The following INHBC variants were observed in gnomAD, a reference collection of about 807,000 sequenced individuals.
INHBC encodes the protein inhibin beta C chain.
INHBC carries 10 observed loss-of-function variants against 12.4 expected under a neutral mutation model. That is an observed-to-expected ratio of 0.81 (90% confidence interval 0.50 to 1.37). INHBC has a LOEUF of 1.37. INHBC is among the 40% of genes most tolerant of loss of function. The pLI is 0.00. For missense variants in INHBC, 382 were observed against 439.4 expected, an observed-to-expected ratio of 0.87 and a Z score of 1.17; for synonymous variants, 147 against 171.6, an observed-to-expected ratio of 0.86 and a Z score of 1.12.
rs763734230 is a variant in INHBC, at chr12:57,435,111, A to G, written c.225A>G (p.Ala75=). Reference sequence around the variant, plus strand: ...TGTCCAGAGCTGCTTTGAGGACTGCACTGCAGCACCTCCACGGGGTCCCAC... The same window carrying G: ...TGTCCAGAGCTGCTTTGAGGACTGCGCTGCAGCACCTCCACGGGGTCCCAC... ...RPVSRAALRT[A]LQHLHGVPQG... is the part of the protein sequence containing the mutation. The change falls in exon 1 of 2, where the codon GCA becomes GCG. Residue 75 remains alanine (A), a synonymous_variant. Coordinates refer to ENST00000309668, the MANE Select transcript of INHBC (RefSeq NM_005538.4). The G allele has an allele frequency of 1.9e-6, 3 of 1,614,190 alleles. No individual in the cohort carries two copies. The highest frequency in any genetic ancestry group is 2.5e-6 in the Non-Finnish European group (3 of 1,180,024).
At position 57,435,095 on chromosome 12, in the gene INHBC, C is replaced by T. The variant is rs750239254; in HGVS notation, c.209C>T (p.Ala70Val). The change falls in exon 1 of 2, where the codon GCT becomes GTT. Residue 70 changes from alanine (A) to valine (V), a missense_variant. Transcript: ENST00000309668. ...RPTLNRPVSR[A>V]ALRTALQHLH... ...ACACTGAACCGCCCTGTGTCCAGAG[C>T]TGCTTTGAGGACTGCACTGCAGCAC... The T allele has an allele frequency of 1.2e-6, 2 of 1,614,200 alleles. No homozygotes were observed. The highest frequency in any genetic ancestry group is 1.7e-6 in the Non-Finnish European group (2 of 1,180,038).
At chr12:57,447,892 AAT>A (rs1241342566) in intron 1 of INHBC, among the ~76,000 whole-genome samples, 510 of 19,878 alleles carry the variant, frequency 0.026, 15 homozygotes, top group African/African-American at 0.054. Context: ...AAAAAAAAAA[AAT>A]ATATATATAT....
In INHBC at chr12:57,451,873, C is replaced by T. The variant is rs777077753; in HGVS notation, c.*1851C>T. ...ACCTCCTTCCCAATTACAGCTTAGT[C>T]TCCAGGGCTAGGACTGGGGTAAAGC... On this transcript the variant is annotated 3_prime_UTR_variant, in exon 2 of 2. Transcript: ENST00000309668. 2.2e-6 allele frequency: 1 copy of T among 455,832 alleles called. No individual in the cohort carries two copies. The allele number at this position is 455,832 out of a possible 1,614,324, so 28.2% of individuals were successfully genotyped here. A position where few individuals can be genotyped will look rare whatever the true frequency, so the allele number is the denominator to read the frequency against.
chr12:57,439,834 G>GT (rs1442887137), intron 1 of INHBC, among the ~76,000 whole-genome samples: 2 of 152,176 alleles, frequency 1.3e-5, no homozygotes, highest in East Asian at 1.9e-4. Flanking sequence ...CAAGCAAAGC[G>GT]TTTTTTTGGT....
At chr12:57,444,058 A>G (rs1870524175) in intron 1 of INHBC, among the ~76,000 whole-genome samples, 1 of 152,044 alleles carries the variant, frequency 6.6e-6, no homozygotes, top group African/African-American at 2.4e-5. Flanking sequence ...CAGCCTCCCA[A>G]AGTGCAGGGA....
At chr12:57,435,304 C>T (rs1870310471) in intron 1 of INHBC, 105 bp downstream of exon 1, 2 of 1,060,502 alleles carry the variant, frequency 1.9e-6, no homozygotes, top group African/African-American at 1.6e-5. Flanking sequence ...AACCATCCAA[C>T]CCCTGCTTCC....
intron 1 of INHBC, among the ~76,000 whole-genome samples, chr12:57,438,656 A>G (rs1335584574): frequency 6.6e-6 from 1 of 152,228 alleles, no homozygotes; most frequent in Non-Finnish European, 1.5e-5. Context: ...CCTAGAATCT[A>G]TCACTGTGAG....
chr12:57,444,469 A>C (rs1870534010), intron 1 of INHBC, among the ~76,000 whole-genome samples: 1 of 149,890 alleles, frequency 6.7e-6, no homozygotes, highest in African/African-American at 2.5e-5. Context: ...TGAACCGGGT[A>C]GGTGGAGGTT....
chr12:57,443,871 C>T lies in INHBC; in HGVS notation c.314-5406C>T, dbSNP rs375460270. On this transcript the variant is annotated intron_variant, in intron 1 of 1. Coordinates refer to ENST00000309668, the MANE Select transcript of INHBC (RefSeq NM_005538.4). ...TGGCGTGATCTCTGCTCACTGCAACCTTTGCCTCCTGAGTTCAAGCAATTC... is the reference window on the plus strand; with the variant it reads ...TGGCGTGATCTCTGCTCACTGCAACTTTTGCCTCCTGAGTTCAAGCAATTC... Among the ~76,000 whole-genome samples, 16 of 152,214 alleles carry T rather than the reference C, an allele frequency of 1.1e-4. No homozygotes were observed. In the East Asian group the frequency reaches 1.4e-3, roughly 13 times the overall value.
Position 57,449,550 on chromosome 12 carries a change from C to T in INHBC, c.587C>T (p.Thr196Ile), listed in dbSNP as rs775173563. The change falls in exon 2 of 2, where the codon ACC becomes ATC. Residue 196 changes from threonine (T) to isoleucine (I), a missense_variant. Physicochemically the swap from Thr to Ile is moderately conservative, Grantham distance 89 (BLOSUM62 -1). Transcript: ENST00000309668. ...GCTGCCTGCAGCCAGGGGCACCTGA[C>T]CCTGGAGCTGGTACTTGAAGGCCAG... is the stretch of plus-strand genomic sequence containing the variant. ...AQAACSQGHL[T>I]LELVLEGQVA... 2.4e-5 allele frequency: 38 copies of T among 1,614,212 alleles called. No individual in the cohort carries two copies. The highest frequency in any genetic ancestry group is 4.4e-5 in the South Asian group (4 of 91,082).
intron 1 of INHBC, among the ~76,000 whole-genome samples, chr12:57,443,838 G>C (rs1285963283): frequency 6.6e-6 from 1 of 152,054 alleles, no homozygotes; most frequent in African/African-American, 2.4e-5. Flanking sequence ...ACCCAGGCTG[G>C]AGTGCAGTGG....
rs530630518 is a variant in INHBC at position 57,451,380 on chromosome 12, C to A, written c.*1358C>A. 3.9e-4 allele frequency among the ~76,000 whole-genome samples: 60 copies of A among 152,292 alleles called. No individual in the cohort carries two copies. The East Asian group carries it at 7.5e-3, about 19-fold the overall frequency. ...ACCCCCAGTGCTCCACCCAGGAGTC[C>A]TGCCTGGAAGCTGGAATGGGCAAGG... is the stretch of plus-strand genomic sequence containing the variant. On this transcript the variant is annotated 3_prime_UTR_variant, in exon 2 of 2. Transcript: ENST00000309668.
intron 1 of INHBC, among the ~76,000 whole-genome samples, chr12:57,436,011 T>C (rs932857493): frequency 1.3e-5 from 2 of 152,004 alleles, no homozygotes; most frequent in African/African-American, 2.4e-5. Flanking sequence ...CACACCCAGC[T>C]AATTTTTGTA....
Position 57,435,127 on chromosome 12 carries a change from G to C in INHBC, c.241G>C (p.Gly81Arg). 1 of 1,614,116 alleles carries C rather than the reference G, an allele frequency of 6.2e-7. No homozygotes were observed. Among genetic ancestry groups the C allele is most frequent in the Non-Finnish European group, 8.5e-7 (1 of 1,180,018 alleles). Residue 81 changes from glycine (G) to arginine (R), a missense_variant, in exon 1 of 2, where the codon GGG becomes CGG. Coordinates refer to ENST00000309668, the MANE Select transcript of INHBC (RefSeq NM_005538.4). ...ALRTALQHLH[G>R]VPQGALLEDN... ...GAGGACTGCACTGCAGCACCTCCAC[G>C]GGGTCCCACAGGGGGCACTTCTAGA...
Position 57,435,216 on chromosome 12 carries a change from T to C in INHBC, c.313+17T>C, listed in dbSNP as rs1594724910. The C allele has an allele frequency of 6.3e-7, 1 of 1,593,296 alleles. No individual in the cohort carries two copies. Among genetic ancestry groups the C allele is most frequent in the East Asian group, 2.3e-5 (1 of 44,140 alleles). ...CTGAGACAGGTGGGTTCCTGATCTG[T>C]AGCTCTTCCCCAGAACTTGACCCCT... On this transcript the variant is annotated intron_variant, in intron 1 of 1. Transcript: ENST00000309668.
At chr12:57,444,346 G>T (rs1594728571) in intron 1 of INHBC, among the ~76,000 whole-genome samples, 1 of 152,092 alleles carries the variant, frequency 6.6e-6, no homozygotes, top group East Asian at 1.9e-4. Flanking sequence ...TTCCGGAGCG[G>T]CCTGGCCAAC....
chr12:57,442,947 C>T (rs1229388418), intron 1 of INHBC, among the ~76,000 whole-genome samples: 4 of 149,078 alleles, frequency 2.7e-5, no homozygotes, highest in South Asian at 2.2e-4. Flanking sequence ...GCCGAGATTG[C>T]GCCACTGCGC....
intron 1 of INHBC, among the ~76,000 whole-genome samples, chr12:57,438,066 G>A (rs987195362): frequency 1.3e-5 from 2 of 152,110 alleles, no homozygotes; most frequent in Non-Finnish European, 2.9e-5. Flanking sequence ...GATTACAGGC[G>A]TGAGCCACTG....
At chr12:57,446,074 A>G (rs895807731) in intron 1 of INHBC, among the ~76,000 whole-genome samples, 1 of 151,928 alleles carries the variant, frequency 6.6e-6, no homozygotes, top group Admixed American at 6.6e-5. Context: ...AGCTGGGATT[A>G]CAGGCATGTG....
Sources: gnomAD v4.1 joint callset for allele counts (sites outside exome capture counted in the v4.1 genomes callset) on GRCh38, gnomAD v4.1.1 for gene constraint, MANE v1.5 for transcripts, NCBI Gene and HGNC (gene_info 2026-07-23, HGNC 2026-07-21) for gene names.